Variants in CYP2W1 observed in about 807,000 individuals in gnomAD.
CYP2W1 encodes the protein cytochrome P450 family 2 subfamily W member 1, also known as cytochrome P450 2W1.
In CYP2W1, 51 loss-of-function variants were observed where a neutral mutation model predicts 44.9. The ratio of observed to expected loss-of-function variants is 1.14; its 90% CI spans 0.91 to 1.43. CYP2W1 has a LOEUF of 1.43. CYP2W1 is among the 40% of genes most tolerant of loss of function. The pLI is 0.00. For synonymous variants in CYP2W1, 383 were observed against 338.3 expected (o/e 1.13, Z -1.45); for missense variants, 746 against 700.0 (o/e 1.07, Z -0.74).
Position 983,201 on chromosome 7 carries a change from G to C in CYP2W1, c.-11G>C, listed in dbSNP as rs1848050747. ...CCAGGAGGGGAGTGGAGCCTCACCA[G>C]CCACGTCCTCATGGCCCTGCTGCTC... is the stretch of plus-strand genomic sequence containing the variant. On this transcript the variant is annotated 5_prime_UTR_variant, in exon 1 of 9. Coordinates refer to ENST00000308919, the MANE Select transcript of CYP2W1 (RefSeq NM_017781.3). 6.7e-7 allele frequency: 1 copy of C among 1,486,878 alleles called. No homozygotes were observed. The highest frequency in any genetic ancestry group is 1.4e-5 in the African/African-American group (1 of 70,792). 92.1% of individuals were successfully genotyped at this position (1,486,878 alleles called of 1,614,324 possible). A position where few individuals can be genotyped will look rare whatever the true frequency, so the allele number is the denominator to read the frequency against.
chr7:988,092 G>T (rs1431854376), intron 7 of CYP2W1, among the ~76,000 whole-genome samples, 185 bp from the exon 8 acceptor site: 3 of 151,896 alleles, frequency 2.0e-5, no homozygotes, highest in Non-Finnish European at 1.5e-5. Flanking sequence ...CTATCCTTGG[G>T]GCCCCTGGCT....
At chr7:984,868 C>T in intron 2 of CYP2W1, 82 bp from the exon 3 acceptor site, 29 of 1,496,234 alleles carry the variant, frequency 1.9e-5, no homozygotes, top group Non-Finnish European at 2.6e-5. Context: ...GCCCTGTCAG[C>T]CTGCTCACTT....
chr7:988,103 G>A (rs969341115), intron 7 of CYP2W1, among the ~76,000 whole-genome samples, 174 bp from the exon 8 acceptor site: 2 of 152,032 alleles, frequency 1.3e-5, no homozygotes, highest in African/African-American at 4.8e-5. Context: ...GCCCCTGGCT[G>A]TGTGCCCTGG....
In CYP2W1 at chr7:985,036, C is replaced by T; in HGVS notation, c.424C>T (p.Pro142Ser). The change falls in exon 3 of 9, where the codon CCG (proline) becomes TCG (serine). Residue 142 changes from proline to serine, a missense_variant. Coordinates refer to ENST00000308919, the MANE Select transcript of CYP2W1 (RefSeq NM_017781.3). ...GCACAGCCTGGGCGTGGGCCGGGAGCCGGTGGCTGACAAGATTCTGCAGGA... is the reference window on the plus strand; with the variant it reads ...GCACAGCCTGGGCGTGGGCCGGGAGTCGGTGGCTGACAAGATTCTGCAGGA... ...ALHSLGVGRE[P>S]VADKILQELK... 6.2e-7 allele frequency: 1 copy of T among 1,612,370 alleles called. No individual in the cohort carries two copies. The highest frequency in any genetic ancestry group is 8.5e-7 in the Non-Finnish European group (1 of 1,179,854).
In CYP2W1 at chr7:988,881, A is replaced by G. The variant is rs1583246454; in HGVS notation, c.*59A>G. 1.0e-6 allele frequency: 1 copy of G among 963,174 alleles called. No homozygotes were observed. The highest frequency in any genetic ancestry group is 1.4e-6 in the Non-Finnish European group (1 of 711,528). The allele number at this position is 963,174 out of a possible 1,614,324, so 59.7% of individuals were successfully genotyped here. A position where few individuals can be genotyped will look rare whatever the true frequency, so the allele number is the denominator to read the frequency against. ...TCCCCTCCCAGCCCTGGGTCCTCCC[A>G]CCCTCTCTCCTCCCACCCCACAGCT... is the stretch of plus-strand genomic sequence containing the variant. On this transcript the variant is annotated 3_prime_UTR_variant, in exon 9 of 9. Transcript: ENST00000308919.
chr7:986,538 C>A, intron 4 of CYP2W1, 86 bp from the exon 5 acceptor site: 2 of 1,511,262 alleles, frequency 1.3e-6, no homozygotes, highest in Non-Finnish European at 1.8e-6. Context: ...TGGGCGTGAA[C>A]ACAGCCGCTG....
Position 985,174 on chromosome 7 carries a change from T to A in CYP2W1, c.496T>A (p.Phe166Ile). 1 of 1,578,588 alleles carries A rather than the reference T, an allele frequency of 6.3e-7. No individual in the cohort carries two copies. The change falls in exon 4 of 9, where the codon TTC becomes ATC. Residue 166 changes from phenylalanine (F) to isoleucine (I), a missense_variant. Phe to Ile is a conservative substitution (Grantham distance 21). Coordinates refer to ENST00000308919, the MANE Select transcript of CYP2W1 (RefSeq NM_017781.3). ...GCCCGTCTCCCTCGCAGGCCGGCCC[T>A]TCCCGCTGGCCCTACTGGGCTGGGC... ...GQLDGYRGRP[F>I]PLALLGWAPS...
rs772261904 is a variant in CYP2W1, at chr7:988,392, G to C, written c.1259G>C (p.Arg420Pro). The C allele has an allele frequency of 2.2e-5, 36 of 1,612,534 alleles. No individual in the cohort carries two copies. In the African/African-American group the frequency reaches 4.1e-4, roughly 19 times the overall value. ...FLDANGHFVK[R>P]EAFLPFSAGR... ...GACGCGAATGGGCACTTTGTGAAGC[G>C]GGAGGCCTTCCTGCCTTTCTCTGCA... Residue 420 changes from arginine to proline, a missense_variant, in exon 8 of 9, where the codon CGG becomes CCG. Arg to Pro is a moderately radical substitution (Grantham distance 103). Transcript: ENST00000308919.
At chr7:986,437 CAG>C (rs1346368554) in intron 4 of CYP2W1, 185 bp from the exon 5 acceptor site, 1 of 653,584 alleles carries the variant, frequency 1.5e-6, no homozygotes, top group African/African-American at 1.8e-5. Context: ...GGGACACGGA[CAG>C]GGGGTTTCCT....
rs570564975 is a variant in CYP2W1, at chr7:985,768, C to T, written c.645+445C>T. On this transcript the variant is annotated intron_variant, in intron 4 of 8. Transcript: ENST00000308919. Reference sequence around the variant, plus strand: ...TCATTTAGCTTCAAAATGTAAAGATCCCCTCTTTTTGGTCCTCATGGTATT... The same window carrying T: ...TCATTTAGCTTCAAAATGTAAAGATTCCCTCTTTTTGGTCCTCATGGTATT... Among the ~76,000 whole-genome samples, 3 of 152,196 alleles carry T rather than the reference C, an allele frequency of 2.0e-5. No individual in the cohort carries two copies. In the South Asian group the frequency reaches 6.2e-4, roughly 31 times the overall value.
chr7:987,827 G>C (rs1848488253), intron 7 of CYP2W1, among the ~76,000 whole-genome samples: 2 of 151,420 alleles, frequency 1.3e-5, no homozygotes. Context: ...GGTGTGTCCT[G>C]GGGGTCCCCT....
intron 8 of CYP2W1, 63 bp downstream of exon 8, chr7:988,481 C>T (rs1044043515): frequency 1.2e-6 from 2 of 1,604,158 alleles, no homozygotes; most frequent in Non-Finnish European, 1.7e-6. Context: ...GGGACGGCCC[C>T]AGCTCCGCCT....
chr7:987,527 C>T lies in CYP2W1; in HGVS notation c.1139C>T (p.Pro380Leu), dbSNP rs1848460629. The T allele has an allele frequency of 5.3e-6, 8 of 1,520,904 alleles. No individual in the cohort carries two copies. The South Asian group carries it at 9.6e-5, about 18-fold the overall frequency. The allele number at this position is 1,520,904 out of a possible 1,614,324, so 94.2% of individuals were successfully genotyped here. The change falls in exon 7 of 9, where the codon CCC (proline) becomes CTC (leucine). Residue 380 changes from proline to leucine, a missense_variant. Coordinates refer to ENST00000308919, the MANE Select transcript of CYP2W1 (RefSeq NM_017781.3). ...ADTQLGGFLLPKGTPVIPLLT... is the reference protein window; with the variant it reads ...ADTQLGGFLLLKGTPVIPLLT... ...ACACAGCTGGGCGGCTTCCTGCTCC[C>T]CAAGGTGGGGCTGGGCCTCCCTTGC...
Position 988,233 on chromosome 7 carries a change from T to G in CYP2W1, c.1144-44T>G, listed in dbSNP as rs1369541237. On this transcript the variant is annotated intron_variant, in intron 7 of 8. Transcript: ENST00000308919. ...ACTTCCCAACCCAGGCCCCATCCCA[T>G]CTTCCCCGGGGCCCCTCTCTCTGTG... is the stretch of plus-strand genomic sequence containing the variant. 26 of 1,540,076 alleles carry G rather than the reference T, an allele frequency of 1.7e-5. 1 individual carries two copies. The highest frequency in any genetic ancestry group is 1.1e-4 in the East Asian group (5 of 44,096).
chr7:984,887 C>T, intron 2 of CYP2W1, 63 bp from the exon 3 acceptor site: 2 of 1,525,468 alleles, frequency 1.3e-6, no homozygotes, highest in Non-Finnish European at 1.8e-6. Flanking sequence ...TTCCTGCCCA[C>T]TTGCCTGGCG....
In CYP2W1 at chr7:984,999, G is replaced by C; in HGVS notation, c.387G>C (p.Thr129=). The change falls in exon 3 of 9, where the codon ACG becomes ACC. Residue 129 remains threonine (T), a synonymous_variant. Coordinates refer to ENST00000308919, the MANE Select transcript of CYP2W1 (RefSeq NM_017781.3). ...GCTGGAGGGCTGCCCGCCAGTTCAC[G>C]GTGCGTGCCCTGCACAGCCTGGGCG... ...GARWRAARQF[T]VRALHSLGVG... is the part of the protein sequence containing the mutation. The C allele has an allele frequency of 1.9e-6, 3 of 1,610,906 alleles. No individual in the cohort carries two copies. The highest frequency in any genetic ancestry group is 2.5e-6 in the Non-Finnish European group (3 of 1,179,702).
rs1171063423 is a variant in CYP2W1 at position 987,195 on chromosome 7, C to G, written c.908C>G (p.Ala303Gly). 5 of 1,552,262 alleles carry G rather than the reference C, an allele frequency of 3.2e-6. No homozygotes were observed. The African/African-American group carries it at 6.8e-5, about 21-fold the overall frequency. ...MVMAGTETTS[A>G]TLQWAALLMG... is the part of the protein sequence containing the mutation. ...ATGGCCGGGACGGAGACGACCTCGG[C>G]CACGCTGCAGTGGGCCGCACTTCTG... is the stretch of plus-strand genomic sequence containing the variant. The change falls in exon 6 of 9, where the codon GCC becomes GGC. Residue 303 changes from alanine (A) to glycine (G), a missense_variant. Ala to Gly is a moderately conservative substitution (Grantham distance 60). Coordinates refer to ENST00000308919, the MANE Select transcript of CYP2W1 (RefSeq NM_017781.3).
chr7:988,695 G>A lies in CYP2W1; in HGVS notation c.1346G>A (p.Gly449Asp). The A allele has an allele frequency of 6.3e-7, 1 of 1,599,930 alleles. No homozygotes were observed. Residue 449 changes from glycine to aspartate, a missense_variant, in exon 9 of 9, where the codon GGC (glycine) becomes GAC (aspartate). Physicochemically the swap from Gly to Asp is moderately conservative, Grantham distance 94 (BLOSUM62 -1). Transcript: ENST00000308919. ...ACCGAGCTCTTCCTGCTGTTTGCCGGCCTCCTGCAGAGGTACCGCCTGCTG... is the reference window on the plus strand; with the variant it reads ...ACCGAGCTCTTCCTGCTGTTTGCCGACCTCCTGCAGAGGTACCGCCTGCTG... ...ARTELFLLFA[G>D]LLQRYRLLPP... is the part of the protein sequence containing the mutation.
Position 988,270 on chromosome 7 carries a change from C to G in CYP2W1, c.1144-7C>G, listed in dbSNP as rs372875931. 8.7e-5 allele frequency: 137 copies of G among 1,572,164 alleles called. No individual in the cohort carries two copies. In the African/African-American group the frequency reaches 1.7e-3, roughly 20 times the overall value. ...CCCCTCTCTCTGTGCCCCGGCTGCCCCCACAGGGCACGCCCGTGATTCCCC... is the reference window on the plus strand; with the variant it reads ...CCCCTCTCTCTGTGCCCCGGCTGCCGCCACAGGGCACGCCCGTGATTCCCC... On this transcript the variant is annotated splice_region_variant and splice_polypyrimidine_tract_variant and intron_variant, in intron 7 of 8. Transcript: ENST00000308919.
Sources: gnomAD v4.1 joint callset for allele counts (sites outside exome capture counted in the v4.1 genomes callset) on GRCh38, gnomAD v4.1.1 for gene constraint, MANE v1.5 for transcripts, NCBI Gene and HGNC (gene_info 2026-07-23, HGNC 2026-07-21) for gene names.